Variants in IARS1 observed in about 807,000 individuals in gnomAD.
The protein encoded by IARS1 is isoleucyl-tRNA synthetase 1, also known as isoleucine--tRNA ligase, cytoplasmic.
A neutral mutation model predicts 168.2 loss-of-function variants in IARS1; 124 were observed. The observed-to-expected ratio is 0.74, with a 90% CI of 0.64 to 0.86. The LOEUF (loss-of-function observed/expected upper bound fraction) is 0.86. Ranked by LOEUF, IARS1 falls within the 40% of genes least tolerant of loss-of-function variation. IARS1 has a pLI of 0.00. For synonymous variants in IARS1, 532 were observed against 529.4 expected (o/e 1.00, Z -0.07); for missense variants, 1,452 against 1,515.8 (o/e 0.96, Z 0.70).
At chr9:92,280,995 TAAACCGAAG>T in intron 6 of IARS1, 102 bp from the exon 7 acceptor site, 8 of 725,426 alleles carry the variant, frequency 1.1e-5, no homozygotes, top group Non-Finnish European at 1.6e-5. Flanking sequence ...ATCTTCAGGG[TAAACCGAAG>T]AAACCACTTA....
chr9:92,240,713 C>T (rs960045804), intron 30 of IARS1, 143 bp downstream of exon 30: 2 of 719,624 alleles, frequency 2.8e-6, no homozygotes, highest in African/African-American at 1.8e-5. Flanking sequence ...ATTTTGATGA[C>T]AAGAAGAAAA....
chr9:92,243,004 C>T (rs948804636), intron 28 of IARS1: 3 of 463,976 alleles, frequency 6.5e-6, no homozygotes, highest in Non-Finnish European at 1.2e-5. Context: ...GGAAAAGGCA[C>T]AGGCTGGCTG....
rs1429670627 is a variant in IARS1 at position 92,263,015 on chromosome 9, G to A, written c.1741C>T (p.Gln581Ter). The change falls in exon 17 of 34, where the codon CAA becomes TAA. Residue 581 changes from glutamine (Q) to a stop codon, truncating the protein, a stop_gained. Coordinates refer to ENST00000443024, the MANE Select transcript of IARS1 (RefSeq NM_002161.6). LOFTEE classifies it high-confidence loss of function. Reference protein sequence around the residue: ...LLVLATALFGQPPFKNVIVNG... With the variant: ...LLVLATALFG ...ACAATTACGTTCTTGAAAGGCGGTT[G>A]TCCAAAGAGGGCCGTGGCCAGCACC... The A allele has an allele frequency of 6.2e-7, 1 of 1,613,954 alleles. No homozygotes were observed. The highest frequency in any genetic ancestry group is 8.5e-7 in the Non-Finnish European group (1 of 1,179,980).
At chr9:92,227,466 G>A (rs1359422695) in intron 31 of IARS1, among the ~76,000 whole-genome samples, 6 of 147,188 alleles carry the variant, frequency 4.1e-5, no homozygotes, top group Admixed American at 6.7e-5. Context: ...CGGACGGGGC[G>A]GCTGGCCAGG....
chr9:92,235,826 AGATT>A (rs1827427876), intron 30 of IARS1, among the ~76,000 whole-genome samples: 1 of 151,850 alleles, frequency 6.6e-6, no homozygotes, highest in South Asian at 2.1e-4. Context: ...CGCCTGGACT[AGATT>A]GATTTTTAAA....
chr9:92,216,449 A>C, intron 33 of IARS1, among the ~76,000 whole-genome samples: 1 of 141,918 alleles, frequency 7.0e-6, no homozygotes, highest in Non-Finnish European at 1.6e-5. Context: ...AAATGGACTA[A>C]ATGCTCCAAT....
At chr9:92,234,350 G>A (rs1417465539) in intron 30 of IARS1, among the ~76,000 whole-genome samples, 1 of 152,172 alleles carries the variant, frequency 6.6e-6, no homozygotes, top group Non-Finnish European at 1.5e-5. Context: ...TAATATGAAT[G>A]CTTTCAGCAG....
chr9:92,271,529 A>G lies in IARS1; in HGVS notation c.1113+4T>C. On this transcript the variant is annotated splice_donor_region_variant and intron_variant, in intron 11 of 33. Coordinates refer to ENST00000443024, the MANE Select transcript of IARS1 (RefSeq NM_002161.6). ...CACCCTTCTATGCTATATGGATTACAGACCTTCACATACTGTCCTGCGAAA... is the reference window on the plus strand; with the variant it reads ...CACCCTTCTATGCTATATGGATTACGGACCTTCACATACTGTCCTGCGAAA... 6.2e-7 allele frequency: 1 copy of G among 1,614,062 alleles called. No homozygotes were observed. Among genetic ancestry groups the G allele is most frequent in the Non-Finnish European group, 8.5e-7 (1 of 1,179,900 alleles).
intron 31 of IARS1, among the ~76,000 whole-genome samples, chr9:92,225,574 A>ATT (rs35209758): frequency 0.16 from 22,587 of 144,128 alleles, 2,081 homozygotes; most frequent in African/African-American, 0.26. Flanking sequence ...TAAAAGTGTG[A>ATT]TTTTTTTTTT....
chr9:92,282,748 T>C (rs1834810543), intron 6 of IARS1, among the ~76,000 whole-genome samples: 1 of 151,736 alleles, frequency 6.6e-6, no homozygotes, highest in South Asian at 2.1e-4. Context: ...CCAGCCTAGG[T>C]GACAGACTGA....
chr9:92,252,093 G>A (rs367743306), intron 21 of IARS1, among the ~76,000 whole-genome samples: 2 of 152,188 alleles, frequency 1.3e-5, no homozygotes, highest in Non-Finnish European at 2.9e-5. Context: ...AGGAGGCCTG[G>A]CCAGGATGTG....
At chr9:92,267,596 C>T (rs1332358234) in intron 14 of IARS1, among the ~76,000 whole-genome samples, 2 of 152,152 alleles carry the variant, frequency 1.3e-5, no homozygotes, top group Non-Finnish European at 2.9e-5. Flanking sequence ...TGGTCTCAAG[C>T]GATCCTCCTG....
chr9:92,217,080 A>C (rs1170468667), intron 33 of IARS1, among the ~76,000 whole-genome samples: 2 of 149,010 alleles, frequency 1.3e-5, no homozygotes, highest in African/African-American at 4.9e-5. Context: ...TGTCTCTCAG[A>C]CCACAGTGCA....
At chr9:92,293,180 T>C (rs1308237665) in intron 1 of IARS1, among the ~76,000 whole-genome samples, 1 of 152,236 alleles carries the variant, frequency 6.6e-6, no homozygotes, top group Non-Finnish European at 1.5e-5. Context: ...TCCACAGGTA[T>C]ACTCATGCAA....
chr9:92,229,876 G>A (rs548940421), intron 30 of IARS1, among the ~76,000 whole-genome samples: 2 of 152,190 alleles, frequency 1.3e-5, no homozygotes, highest in African/African-American at 4.8e-5. Flanking sequence ...TTTATCACTC[G>A]TGTAAAATCC....
chr9:92,249,621 A>C (rs928592728), intron 25 of IARS1, among the ~76,000 whole-genome samples: 2 of 152,194 alleles, frequency 1.3e-5, no homozygotes, highest in Admixed American at 6.5e-5. Flanking sequence ...AACTTCAGGG[A>C]AGTGAATGAA....
chr9:92,278,412 C>T (rs1332255105), intron 7 of IARS1, 126 bp from the exon 8 acceptor site: 2 of 687,846 alleles, frequency 2.9e-6, no homozygotes, highest in Non-Finnish European at 5.3e-6. Context: ...GTACCCAGTA[C>T]TCACAGAGAA....
At chr9:92,246,126 T>C (rs1477536266) in intron 26 of IARS1, among the ~76,000 whole-genome samples, 1 of 152,228 alleles carries the variant, frequency 6.6e-6, no homozygotes, top group African/African-American at 2.4e-5. Flanking sequence ...TTTAGATTTG[T>C]GGCTTGAAGG....
intron 33 of IARS1, among the ~76,000 whole-genome samples, chr9:92,211,688 T>C (rs770491112): frequency 1.3e-5 from 2 of 152,204 alleles, no homozygotes; most frequent in Non-Finnish European, 2.9e-5. Context: ...AGATACTTCC[T>C]ATGTCTACAA....
Sources: gnomAD v4.1 joint callset for allele counts (sites outside exome capture counted in the v4.1 genomes callset) on GRCh38, gnomAD v4.1.1 for gene constraint, MANE v1.5 for transcripts, NCBI Gene and HGNC (gene_info 2026-07-23, HGNC 2026-07-21) for gene names.